CLEC16A: variants seen among roughly 807,000 people sequenced by gnomAD.
CLEC16A encodes C-type lectin domain containing 16A.
A neutral mutation model predicts 109.5 loss-of-function variants in CLEC16A; 51 were observed. The ratio of observed to expected loss-of-function variants is 0.47; its 90% CI spans 0.37 to 0.59. CLEC16A has a LOEUF of 0.59. CLEC16A is among the 20% of genes least tolerant of loss of function. The probability of loss-of-function intolerance (pLI) is 0.00; values close to 1 mark genes in which losing one functional copy is unlikely to be tolerated. For missense variants in CLEC16A, 1,339 were observed against 1,394.0 expected (o/e 0.96, Z 0.63); for synonymous variants, 673 against 564.2 (o/e 1.19, Z -2.73).
At chr16:11,141,803 G>A (rs1376835998) in intron 22 of CLEC16A, among the ~76,000 whole-genome samples, 2 of 152,214 alleles carry the variant, frequency 1.3e-5, no homozygotes, top group Non-Finnish European at 2.9e-5. Flanking sequence ...TCCTGAGAAC[G>A]GCGCTGCCTC....
At chr16:11,068,396 T>A (rs956262950) in intron 19 of CLEC16A, among the ~76,000 whole-genome samples, 2 of 151,914 alleles carry the variant, frequency 1.3e-5, no homozygotes, top group Non-Finnish European at 2.9e-5. Context: ...TCACCTTGAA[T>A]ATGAGACAGT....
intron 10 of CLEC16A, among the ~76,000 whole-genome samples, chr16:10,985,719 T>A (rs1314562519): frequency 6.6e-6 from 1 of 151,126 alleles, no homozygotes; most frequent in Non-Finnish European, 1.5e-5. Context: ...GTTTATTTAT[T>A]TTTATTTATT....
At chr16:10,970,385 G>C (rs1200781211) in intron 4 of CLEC16A, among the ~76,000 whole-genome samples, 1 of 152,128 alleles carries the variant, frequency 6.6e-6, no homozygotes, top group Non-Finnish European at 1.5e-5. Context: ...TAGGTGTCAG[G>C]TGCTGGGATA....
chr16:11,117,526 T>C (rs2052085686), intron 19 of CLEC16A, among the ~76,000 whole-genome samples: 1 of 152,204 alleles, frequency 6.6e-6, no homozygotes, highest in Admixed American at 6.5e-5. Flanking sequence ...CAATTATTTG[T>C]AAAACATGAT....
chr16:11,057,412 G>C (rs545021830), intron 18 of CLEC16A, among the ~76,000 whole-genome samples: 3 of 152,228 alleles, frequency 2.0e-5, no homozygotes, highest in African/African-American at 7.2e-5. Flanking sequence ...CAGAACACAA[G>C]CCTGGGCTTG....
chr16:10,984,278 G>A (rs1189214814), intron 10 of CLEC16A, among the ~76,000 whole-genome samples: 2 of 152,122 alleles, frequency 1.3e-5, no homozygotes, highest in African/African-American at 4.8e-5. Context: ...TTATTCAGGG[G>A]AGCATTAGCG....
chr16:11,012,119 C>A (rs1328223354), intron 11 of CLEC16A, among the ~76,000 whole-genome samples: 4 of 152,104 alleles, frequency 2.6e-5, no homozygotes, highest in African/African-American at 7.2e-5. Flanking sequence ...TTCTTAGAAA[C>A]TGTGACCTTA....
chr16:11,177,936 C>T lies in CLEC16A; in HGVS notation c.2807-399C>T, dbSNP rs78925618. Among the ~76,000 whole-genome samples, 342 of 151,586 alleles carry T rather than the reference C, an allele frequency of 2.3e-3. 9 individuals are homozygous for T. In the East Asian group the frequency reaches 0.055, roughly 24 times the overall value. ...ATACTCTGGAAATGGCCTGATATTA[C>T]GAGCACACCCAAGCCCATTTACTTC... On this transcript the variant is annotated intron_variant, in intron 23 of 23. Coordinates refer to ENST00000409790, the MANE Select transcript of CLEC16A (RefSeq NM_015226.3).
intron 8 of CLEC16A, 85 bp from the exon 9 acceptor site, chr16:10,979,244 A>C: frequency 7.7e-7 from 1 of 1,304,912 alleles, no homozygotes; most frequent in Non-Finnish European, 1.1e-6. Context: ...CTTTGTTCAC[A>C]CAGAAGGCTT....
intron 11 of CLEC16A, among the ~76,000 whole-genome samples, chr16:11,014,149 C>A (rs984294642): frequency 1.3e-5 from 2 of 152,104 alleles, no homozygotes; most frequent in Admixed American, 1.3e-4. Flanking sequence ...AGTCTCCTTC[C>A]TGTGTTTCTT....
chr16:11,132,844 T>G lies in CLEC16A; in HGVS notation c.2641+6698T>G, dbSNP rs1224212277. Among the ~76,000 whole-genome samples the G allele has an allele frequency of 3.9e-5, 6 of 152,126 alleles. 1 individual carries two copies. The East Asian group carries it at 1.2e-3, about 29-fold the overall frequency. On this transcript the variant is annotated intron_variant, in intron 22 of 23. Coordinates refer to ENST00000409790, the MANE Select transcript of CLEC16A (RefSeq NM_015226.3). ...GAATACCGATGTGTGGGCGGATGGA[T>G]GCATTGGTGGATGGGAGGCTGGGGG...
intron 22 of CLEC16A, among the ~76,000 whole-genome samples, chr16:11,128,992 C>T (rs1378878504): frequency 6.6e-6 from 1 of 152,186 alleles, no homozygotes; most frequent in South Asian, 2.1e-4. Flanking sequence ...AGAACAAAAT[C>T]CACATCTCTC....
At chr16:10,997,416 C>T (rs191358690) in intron 10 of CLEC16A, among the ~76,000 whole-genome samples, 1 of 152,300 alleles carries the variant, frequency 6.6e-6, no homozygotes, top group Non-Finnish European at 1.5e-5. Flanking sequence ...TCCCATAAAG[C>T]CCCTCCTCAG....
intron 1 of CLEC16A, among the ~76,000 whole-genome samples, chr16:10,947,040 G>T (rs1233909476): frequency 6.6e-6 from 1 of 152,210 alleles, no homozygotes; most frequent in Non-Finnish European, 1.5e-5. Flanking sequence ...AATGGTAAAC[G>T]GTCTCTGGTT....
chr16:11,113,098 C>G (rs2051712539), intron 19 of CLEC16A, among the ~76,000 whole-genome samples: 1 of 152,236 alleles, frequency 6.6e-6, no homozygotes, highest in South Asian at 2.1e-4. Context: ...GTGAGAAGAA[C>G]TCACACTTGG....
chr16:11,171,052 C>T (rs1267988980), intron 23 of CLEC16A, among the ~76,000 whole-genome samples: 1 of 152,218 alleles, frequency 6.6e-6, no homozygotes, highest in African/African-American at 2.4e-5. Context: ...TTCCTTTTGC[C>T]CATCTCCCTG....
chr16:10,994,042 C>T lies in CLEC16A; in HGVS notation c.1072-9032C>T, dbSNP rs74893666. Among the ~76,000 whole-genome samples the T allele has an allele frequency of 4.5e-3, 684 of 152,320 alleles. 5 individuals are homozygous for T. The highest frequency in any genetic ancestry group is 0.031 in the Middle Eastern group (9 of 294). On this transcript the variant is annotated intron_variant, in intron 10 of 23. Coordinates refer to ENST00000409790, the MANE Select transcript of CLEC16A (RefSeq NM_015226.3). ...TCATCTCAGCGTCAAGTGCTGAGCACGCGGCTGCAAGAGGCCTGTGAGTGC... is the reference window on the plus strand; with the variant it reads ...TCATCTCAGCGTCAAGTGCTGAGCATGCGGCTGCAAGAGGCCTGTGAGTGC...
In CLEC16A at chr16:10,961,533, T is replaced by C. The variant is rs1032939001; in HGVS notation, c.210-922T>C. ...ATTCTCTTCCTTTAGAGAAAGGCAC[T>C]GGATGGTCTGTTTCCTTTTCAAGAC... On this transcript the variant is annotated intron_variant, in intron 2 of 23. Transcript: ENST00000409790. The surrounding 1 kb of genome is among the most constrained non-coding windows in gnomAD (Gnocchi z 4.3). Among the ~76,000 whole-genome samples, 7 of 152,172 alleles carry C rather than the reference T, an allele frequency of 4.6e-5. No individual in the cohort carries two copies. The highest frequency in any genetic ancestry group is 1.7e-4 in the African/African-American group (7 of 41,438).
intron 15 of CLEC16A, among the ~76,000 whole-genome samples, chr16:11,042,757 T>C (rs2047410165): frequency 1.3e-5 from 2 of 152,092 alleles, no homozygotes; most frequent in Non-Finnish European, 2.9e-5. Flanking sequence ...GCTTTTATGG[T>C]ACCTCTTATT....
Sources: gnomAD v4.1 joint callset for allele counts (sites outside exome capture counted in the v4.1 genomes callset) on GRCh38, gnomAD v4.1.1 for gene constraint, Gnocchi (gnomAD v3.1) non-coding constraint, MANE v1.5 for transcripts, NCBI Gene and HGNC (gene_info 2026-07-23, HGNC 2026-07-21) for gene names.